MAD1L1: variants seen among roughly 807,000 people sequenced by gnomAD.
MAD1L1 encodes mitotic spindle assembly checkpoint protein MAD1.
In MAD1L1, 95 loss-of-function variants were observed where a neutral mutation model predicts 96.9. The observed-to-expected ratio is 0.98, with a 90% CI of 0.83 to 1.16. The LOEUF is 1.16. MAD1L1 is among the 50% of genes most tolerant of loss of function. MAD1L1 has a pLI of 0.00. For missense variants in MAD1L1, 1,007 were observed against 954.4 expected (o/e 1.06, Z -0.73); for synonymous variants, 473 against 396.6 (o/e 1.19, Z -2.29).
chr7:2,129,204 C>T (rs1788388919), intron 11 of MAD1L1, among the ~76,000 whole-genome samples: 3 of 152,222 alleles, frequency 2.0e-5, no homozygotes, highest in South Asian at 2.1e-4. Context: ...AGGGCTAACC[C>T]ACCGCCAGGC....
intron 11 of MAD1L1, among the ~76,000 whole-genome samples, chr7:2,073,726 G>A (rs1319824477): frequency 6.6e-6 from 1 of 152,250 alleles, no homozygotes; most frequent in Non-Finnish European, 1.5e-5. Context: ...AGGCATAGGG[G>A]CGTGGGGCTG....
intron 12 of MAD1L1, among the ~76,000 whole-genome samples, chr7:2,039,645 A>G (rs923137905): frequency 6.6e-6 from 1 of 152,104 alleles, no homozygotes; most frequent in African/African-American, 2.4e-5. Flanking sequence ...TCATCTGTAT[A>G]TGTTATTTGG....
intron 10 of MAD1L1, among the ~76,000 whole-genome samples, chr7:2,200,071 C>T (rs563684446): frequency 2.6e-5 from 4 of 152,374 alleles, no homozygotes; most frequent in African/African-American, 9.6e-5. Context: ...TCTTCCCACG[C>T]CTGCCCTCCA....
intron 11 of MAD1L1, among the ~76,000 whole-genome samples, chr7:2,130,824 T>C (rs781629808): frequency 2.4e-4 from 37 of 152,226 alleles, no homozygotes; most frequent in Non-Finnish European, 2.9e-4. Flanking sequence ...TGGCACAAGA[T>C]GCCTGCTACA....
intron 15 of MAD1L1, among the ~76,000 whole-genome samples, chr7:1,961,376 C>T (rs920521168): frequency 6.6e-6 from 1 of 152,236 alleles, no homozygotes; most frequent in African/African-American, 2.4e-5. Context: ...CAGTGCAGTA[C>T]TGGTCTGCAA....
chr7:2,069,212 C>T lies in MAD1L1; in HGVS notation c.1200G>A (p.Arg400=), dbSNP rs377140920. ...ACATCACCTTGGTGAGCAGCAGGAC[C>T]CGTTTCTGGAGCCTCCGGGCCAGCG... ...HEALARRLQK[R]VLLLTKERDG... The change falls in exon 12 of 19, where the codon CGG becomes CGA. Residue 400 remains arginine (R), a synonymous_variant. Transcript: ENST00000265854. 125 of 1,602,408 alleles carry T rather than the reference C, an allele frequency of 7.8e-5. No individual in the cohort carries two copies. The highest frequency in any genetic ancestry group is 1.4e-4 in the Admixed American group (8 of 58,540).
intron 11 of MAD1L1, among the ~76,000 whole-genome samples, chr7:2,095,159 C>T (rs2128547406): frequency 6.6e-6 from 1 of 152,290 alleles, no homozygotes; most frequent in East Asian, 1.9e-4. Context: ...TCTCCTGCCT[C>T]AGCCTCCCAA....
At chr7:2,110,333 A>G (rs1019379373) in intron 11 of MAD1L1, among the ~76,000 whole-genome samples, 4 of 152,178 alleles carry the variant, frequency 2.6e-5, no homozygotes, top group Non-Finnish European at 4.4e-5. Context: ...GGCACAACCA[A>G]GCGAGCAGCT....
chr7:2,108,744 T>C (rs1471994171), intron 11 of MAD1L1, among the ~76,000 whole-genome samples: 1 of 152,166 alleles, frequency 6.6e-6, no homozygotes, highest in Non-Finnish European at 1.5e-5. Flanking sequence ...CCTTTCAGAA[T>C]GGGAGAAACA....
intron 10 of MAD1L1, among the ~76,000 whole-genome samples, chr7:2,198,012 G>A (rs1171986555): frequency 6.6e-6 from 1 of 151,010 alleles, no homozygotes; most frequent in African/African-American, 2.4e-5. Context: ...AACAGGCCCA[G>A]GACGGGGCAA....
At chr7:2,039,184 T>C (rs980305316) in intron 12 of MAD1L1, among the ~76,000 whole-genome samples, 4 of 152,206 alleles carry the variant, frequency 2.6e-5, no homozygotes, top group Non-Finnish European at 5.9e-5. Context: ...TCTATTCAAG[T>C]ATGTTTATCC....
At chr7:2,116,779 G>A (rs1172618971) in intron 11 of MAD1L1, among the ~76,000 whole-genome samples, 3 of 152,226 alleles carry the variant, frequency 2.0e-5, no homozygotes, top group Non-Finnish European at 4.4e-5. Flanking sequence ...GTTAGTGAGA[G>A]GGCCTTAGCC....
At chr7:2,048,868 A>G (rs1278378277) in intron 12 of MAD1L1, among the ~76,000 whole-genome samples, 4 of 152,190 alleles carry the variant, frequency 2.6e-5, no homozygotes. Flanking sequence ...CGAGGCGAAG[A>G]GCTGTGCCGA....
chr7:2,041,406 G>A (rs1395683832), intron 12 of MAD1L1, among the ~76,000 whole-genome samples: 2 of 152,104 alleles, frequency 1.3e-5, no homozygotes, highest in Non-Finnish European at 2.9e-5. Flanking sequence ...ATCCCTGCCA[G>A]CCCCAACCTG....
chr7:2,061,425 A>G (rs1311505994), intron 12 of MAD1L1, among the ~76,000 whole-genome samples: 1 of 152,260 alleles, frequency 6.6e-6, no homozygotes, highest in Non-Finnish European at 1.5e-5. Flanking sequence ...TGCCCCCAGG[A>G]GTCGGTGTCT....
In MAD1L1 at chr7:1,983,337, GGCCTGAT is replaced by G. The variant is rs144995221; in HGVS notation, c.1417-2803_1417-2797del. 4.5e-4 allele frequency among the ~76,000 whole-genome samples: 68 copies of G among 152,274 alleles called. No homozygotes were observed. In the East Asian group the frequency reaches 0.012, roughly 27 times the overall value. On this transcript the variant is annotated intron_variant, in intron 14 of 18. Coordinates refer to ENST00000265854, the MANE Select transcript of MAD1L1 (RefSeq NM_001013836.2). ...TAGAATTTTCCCATGAAACTGGCTTGGCCTGATGCATCTTCTGTTTCTTTCCTCTTGT... is the reference window on the plus strand; with the variant it reads ...TAGAATTTTCCCATGAAACTGGCTTGGCATCTTCTGTTTCTTTCCTCTTGT...
At chr7:1,863,711 G>A (rs889346864) in intron 18 of MAD1L1, among the ~76,000 whole-genome samples, 8 of 152,198 alleles carry the variant, frequency 5.3e-5, no homozygotes, top group African/African-American at 1.9e-4. Flanking sequence ...CCTGGGTGGA[G>A]GGTGGCCGGC....
At chr7:2,014,813 C>G (rs1562608267) in intron 12 of MAD1L1, among the ~76,000 whole-genome samples, 171 bp from the exon 13 acceptor site, 1 of 152,216 alleles carries the variant, frequency 6.6e-6, no homozygotes, top group Non-Finnish European at 1.5e-5. Context: ...AAGAGGGCCC[C>G]AGAGTTCAGC....
intron 18 of MAD1L1, among the ~76,000 whole-genome samples, chr7:1,880,475 A>T (rs1785622458): frequency 6.6e-6 from 1 of 152,154 alleles, no homozygotes; most frequent in African/African-American, 2.4e-5. Flanking sequence ...AGTGATGACA[A>T]AGGGCCATGG....
Sources: gnomAD v4.1 joint callset for allele counts (sites outside exome capture counted in the v4.1 genomes callset) on GRCh38, gnomAD v4.1.1 for gene constraint, MANE v1.5 for transcripts, NCBI Gene and HGNC (gene_info 2026-07-23, HGNC 2026-07-21) for gene names.